PCDH11X: variants seen among roughly 807,000 people sequenced by gnomAD.
PCDH11X encodes protocadherin-11 X-linked.
A neutral mutation model predicts 53.3 loss-of-function variants in PCDH11X; 18 were observed. That is an observed-to-expected ratio of 0.34 (90% CI 0.23 to 0.50). PCDH11X has a LOEUF of 0.50. Ranked by LOEUF, PCDH11X falls within the 20% of genes least tolerant of loss-of-function variation. The pLI is 0.98. For synonymous variants in PCDH11X, 279 were observed against 393.3 expected (o/e 0.71, Z 3.44); for missense variants, 570 against 1,032.4 (o/e 0.55, Z 6.14).
At chrX:92,389,896 T>C (rs1226460280) in intron 9 of PCDH11X, among the ~76,000 whole-genome samples, 1 of 109,147 alleles carries the variant, frequency 9.2e-6, no homozygotes, top group African/African-American at 3.3e-5. Flanking sequence ...TCTAATTATA[T>C]TTACACTATT....
At chrX:92,539,811 A>T (rs1344947782) in intron 10 of PCDH11X, among the ~76,000 whole-genome samples, 5 of 111,926 alleles carry the variant, frequency 4.5e-5, no homozygotes, top group Non-Finnish European at 7.5e-5. Flanking sequence ...TTGTGGACTC[A>T]TAGAGGTGCT....
chrX:92,425,192 T>A (rs1288145972), intron 9 of PCDH11X, among the ~76,000 whole-genome samples: 8 of 111,119 alleles, frequency 7.2e-5, no homozygotes, highest in African/African-American at 2.3e-4. Flanking sequence ...TGTTTTAAGA[T>A]GGACAACTTG....
chrX:92,263,945 C>T (rs759368052), intron 8 of PCDH11X, among the ~76,000 whole-genome samples: 74 of 112,149 alleles, frequency 6.6e-4, no homozygotes, highest in African/African-American at 2.3e-3. Context: ...AAATCAATTT[C>T]CCTTAAATTT....
chrX:92,381,281 T>G (rs1336396141), intron 8 of PCDH11X, among the ~76,000 whole-genome samples: 1 of 110,054 alleles, frequency 9.1e-6, no homozygotes, highest in Non-Finnish European at 1.9e-5. Flanking sequence ...TCTATTCATC[T>G]TATATTAATT....
intron 8 of PCDH11X, among the ~76,000 whole-genome samples, chrX:92,338,632 A>G (rs1389831678): frequency 9.0e-6 from 1 of 111,259 alleles, no homozygotes; most frequent in Non-Finnish European, 1.9e-5. Flanking sequence ...ATTTTATACA[A>G]CATGACATTG....
At chrX:92,500,409 C>A (rs1202164760) in intron 10 of PCDH11X, among the ~76,000 whole-genome samples, 2 of 110,467 alleles carry the variant, frequency 1.8e-5, no homozygotes, top group African/African-American at 3.3e-5. Context: ...AAATATATTT[C>A]CAGTTGGTTT....
At chrX:91,977,156 T>G (rs953087557) in intron 6 of PCDH11X, among the ~76,000 whole-genome samples, 6 of 111,492 alleles carry the variant, frequency 5.4e-5, no homozygotes, top group Non-Finnish European at 1.1e-4. Context: ...ATTGCAAGAG[T>G]AAGAGGGTTA....
intron 9 of PCDH11X, chrX:92,459,644 T>A (rs2072988490): frequency 7.8e-6 from 6 of 767,884 alleles, no homozygotes; most frequent in Non-Finnish European, 1.2e-5. Flanking sequence ...AGTCCTGTCC[T>A]ATCTCTCTCC....
At chrX:92,444,903 A>G (rs1257016132) in intron 9 of PCDH11X, among the ~76,000 whole-genome samples, 3 of 94,410 alleles carry the variant, frequency 3.2e-5, no homozygotes, top group African/African-American at 1.1e-4. Context: ...TCTCATGAAT[A>G]ATGCCTATTC....
intron 7 of PCDH11X, among the ~76,000 whole-genome samples, chrX:92,213,630 G>A (rs1237522173): frequency 2.7e-5 from 3 of 111,418 alleles, no homozygotes; most frequent in Non-Finnish European, 5.6e-5. Context: ...ATGAATCTTA[G>A]CAACAGAGCA....
At chrX:91,885,570 G>A (rs1242609502) in intron 6 of PCDH11X, among the ~76,000 whole-genome samples, 1 of 109,613 alleles carries the variant, frequency 9.1e-6, no homozygotes, top group African/African-American at 3.3e-5. Context: ...TATTGCTTGT[G>A]TCATGACTAG....
rs185801451 is a variant in PCDH11X, at chrX:92,103,474, C to T, written c.3034-97901C>T. On this transcript the variant is annotated intron_variant, in intron 6 of 10. Coordinates refer to ENST00000682573, the MANE Select transcript of PCDH11X (RefSeq NM_032968.5). ...AAAGCTCGGCGTCCGTGATGGTCTA[C>T]GGGGCTTCTGAGGCGATCGGGCAGC... 7.2e-5 allele frequency among the ~76,000 whole-genome samples: 8 copies of T among 111,382 alleles called. No homozygotes were observed. In the South Asian group the frequency reaches 1.5e-3, roughly 21 times the overall value.
At chrX:92,578,352 T>C (rs1031619170) in intron 10 of PCDH11X, among the ~76,000 whole-genome samples, 3 of 109,118 alleles carry the variant, frequency 2.7e-5, no homozygotes, top group Non-Finnish European at 5.7e-5. Context: ...CAGAACTTAA[T>C]GTATAATAAA....
At chrX:92,328,119 T>C (rs949931276) in intron 8 of PCDH11X, among the ~76,000 whole-genome samples, 21 of 111,318 alleles carry the variant, frequency 1.9e-4, no homozygotes, top group African/African-American at 6.5e-4. Flanking sequence ...ACATGAATAA[T>C]GATACTTAAG....
At chrX:91,783,676 A>G (rs1935236431) in intron 1 of PCDH11X, among the ~76,000 whole-genome samples, 1 of 111,792 alleles carries the variant, frequency 8.9e-6, no homozygotes, top group African/African-American at 3.3e-5. Context: ...GAGTTTATAT[A>G]AGCCACTGGC....
At chrX:91,968,109 G>C (rs2061893127) in intron 6 of PCDH11X, among the ~76,000 whole-genome samples, 1 of 111,563 alleles carries the variant, frequency 9.0e-6, no homozygotes, top group Non-Finnish European at 1.9e-5. Flanking sequence ...TCAAATATGA[G>C]TTGATTTTTA....
rs773175626 is a variant in PCDH11X, at chrX:92,104,275, A to T, written c.3034-97100A>T. ...CTGAGGAAGAATTGGGACCTAGCTC[A>T]GCCTGTCGAGGAGGGGAGAGGTCAG... On this transcript the variant is annotated intron_variant, in intron 6 of 10. Transcript: ENST00000682573. Among the ~76,000 whole-genome samples the T allele has an allele frequency of 3.6e-5, 4 of 110,088 alleles. No individual in the cohort carries two copies. In the East Asian group the frequency reaches 1.2e-3, roughly 32 times the overall value.
At chrX:92,435,949 G>A (rs1340942216) in intron 9 of PCDH11X, among the ~76,000 whole-genome samples, 1 of 108,964 alleles carries the variant, frequency 9.2e-6, no homozygotes, top group African/African-American at 3.3e-5. Flanking sequence ...TACCAACATT[G>A]AATGTAAATT....
intron 8 of PCDH11X, among the ~76,000 whole-genome samples, chrX:92,297,279 G>A (rs1400802005): frequency 1.9e-4 from 20 of 105,642 alleles, no homozygotes; most frequent in Non-Finnish European, 3.7e-4. Context: ...TGTACTTTTA[G>A]GTTTTATATT....
Sources: allele counts gnomAD v4.1 joint callset (sites outside exome capture counted in the v4.1 genomes callset), GRCh38; gene constraint gnomAD v4.1.1; transcripts MANE v1.5; gene names NCBI Gene and HGNC (gene_info 2026-07-23, HGNC 2026-07-21).